Variants in MCUB observed in about 807,000 individuals in gnomAD.
MCUB encodes mitochondrial calcium uniporter dominant negative subunit beta.
MCUB carries 46 observed loss-of-function variants against 41.4 expected under a neutral mutation model. The observed-to-expected ratio is 1.11, with a 90% CI of 0.88 to 1.42. MCUB has a LOEUF of 1.42. Among genes scored for constraint, MCUB ranks in the 40% most tolerant of loss-of-function variants. The pLI is 0.00. For missense variants in MCUB, 403 were observed against 404.9 expected, an observed-to-expected ratio of 1.00 and a Z score of 0.04; for synonymous variants, 148 against 148.2, an observed-to-expected ratio of 1.00 and a Z score of 0.01.
Position 109,659,080 on chromosome 4 carries a change from C to T in MCUB, c.169C>T (p.Pro57Ser). ...ACACCATTATAGTACCGTGGTGCCA[C>T]CTGATGGTAAGCTTTCTTACCATTT... ...QSHHYSTVVP[P>S]DEITVIYRHG... The change falls in exon 2 of 8, where the codon CCT becomes TCT. Residue 57 changes from proline to serine, a missense_variant. Pro to Ser is a moderately conservative substitution (Grantham distance 74). Coordinates refer to ENST00000394650, the MANE Select transcript of MCUB (RefSeq NM_017918.5). 2 of 1,486,166 alleles carry T rather than the reference C, an allele frequency of 1.3e-6. No homozygotes were observed. The highest frequency in any genetic ancestry group is 1.8e-6 in the Non-Finnish European group (2 of 1,087,248). 92.1% of individuals were successfully genotyped at this position (1,486,166 alleles called of 1,614,324 possible). A position where few individuals can be genotyped will look rare whatever the true frequency, so the allele number is the denominator to read the frequency against.
intron 1 of MCUB, among the ~76,000 whole-genome samples, chr4:109,583,328 G>C (rs558040196): frequency 6.6e-6 from 1 of 152,102 alleles, no homozygotes; most frequent in African/African-American, 2.4e-5. Context: ...TGAAGCAATT[G>C]TGAATGGGAG....
intron 1 of MCUB, among the ~76,000 whole-genome samples, chr4:109,585,369 T>A (rs931014928): frequency 6.6e-6 from 1 of 152,222 alleles, no homozygotes; most frequent in African/African-American, 2.4e-5. Context: ...GTCTCCTGAA[T>A]ACAGCACACT....
chr4:109,593,660 G>A lies in MCUB; in HGVS notation c.99+33224G>A, dbSNP rs577827553. On this transcript the variant is annotated intron_variant, in intron 1 of 7. Transcript: ENST00000394650. The stretch of plus-strand genomic sequence containing the variant: ...AAGGAAAAGACTTACTTGAAAAGCA[G>A]CTCTATAATTAAGAAAACCTGATTA... 2.6e-5 allele frequency among the ~76,000 whole-genome samples: 4 copies of A among 152,324 alleles called. No individual in the cohort carries two copies. In the South Asian group the frequency reaches 8.3e-4, roughly 32 times the overall value.
chr4:109,621,857 T>A (rs1728257138), intron 1 of MCUB, among the ~76,000 whole-genome samples: 1 of 152,150 alleles, frequency 6.6e-6, no homozygotes, highest in African/African-American at 2.4e-5. Context: ...ATGAAACTTA[T>A]AATGTGGGGA....
intron 1 of MCUB, among the ~76,000 whole-genome samples, chr4:109,581,297 A>C (rs1241577551): frequency 1.3e-5 from 2 of 152,236 alleles, no homozygotes; most frequent in Admixed American, 1.3e-4. Context: ...TTCCCTATTT[A>C]ATAAATGGTG....
chr4:109,655,476 A>G (rs1729070574), intron 1 of MCUB, among the ~76,000 whole-genome samples: 1 of 152,174 alleles, frequency 6.6e-6, no homozygotes, highest in Non-Finnish European at 1.5e-5. Context: ...CTTTCTAGCA[A>G]CCAGCCCCAT....
chr4:109,575,800 C>A (rs73838819), intron 1 of MCUB, among the ~76,000 whole-genome samples: 5,943 of 152,228 alleles, frequency 0.039, 398 homozygotes, highest in African/African-American at 0.14. Context: ...TAGCAGTGAC[C>A]ATTAAAATTA....
At chr4:109,671,826 C>G (rs1049177729) in intron 4 of MCUB, among the ~76,000 whole-genome samples, 3 of 152,098 alleles carry the variant, frequency 2.0e-5, no homozygotes, top group African/African-American at 7.2e-5. Context: ...ATGTATCAGG[C>G]AATAGAAACT....
At chr4:109,579,964 T>C (rs1271779012) in intron 1 of MCUB, among the ~76,000 whole-genome samples, 1 of 152,206 alleles carries the variant, frequency 6.6e-6, no homozygotes, top group Non-Finnish European at 1.5e-5. Context: ...TCATGTGCCA[T>C]GTTGGTTTGC....
At position 109,592,276 on chromosome 4, in the gene MCUB, G is replaced by A. The variant is rs1393335289; in HGVS notation, c.99+31840G>A. 2.0e-5 allele frequency among the ~76,000 whole-genome samples: 3 copies of A among 151,806 alleles called. No homozygotes were observed. In the South Asian group the frequency reaches 6.3e-4, roughly 32 times the overall value. On this transcript the variant is annotated intron_variant, in intron 1 of 7. Transcript: ENST00000394650. ...AATACAAAAATTAGCCGGGTATGGT[G>A]GCGTGTACCTGCAATCCCAGCTACT...
intron 1 of MCUB, among the ~76,000 whole-genome samples, chr4:109,576,518 C>CTTT (rs34834019): frequency 7.6e-6 from 1 of 131,754 alleles, no homozygotes; most frequent in Admixed American, 7.7e-5. Context: ...TAACATTTGC[C>CTTT]TTTTTTTTTT....
At chr4:109,586,379 C>T (rs891932515) in intron 1 of MCUB, among the ~76,000 whole-genome samples, 1 of 152,116 alleles carries the variant, frequency 6.6e-6, no homozygotes, top group Admixed American at 6.6e-5. Context: ...TTTTTAGCTT[C>T]CTTGCGATGG....
At chr4:109,656,443 C>A (rs1044676624) in intron 1 of MCUB, among the ~76,000 whole-genome samples, 5 of 135,318 alleles carry the variant, frequency 3.7e-5, no homozygotes, top group African/African-American at 1.3e-4. Flanking sequence ...TAGCTACAAT[C>A]TCGGTTCACT....
rs115236016 is a variant in MCUB, at chr4:109,642,605, T to A, written c.100-16406T>A. On this transcript the variant is annotated intron_variant, in intron 1 of 7. Coordinates refer to ENST00000394650, the MANE Select transcript of MCUB (RefSeq NM_017918.5). ...TTCATTATGTATCAGTATTTTTTCT[T>A]CACCCCAGGTTAAAAAGTTGTTTCC... 4.6e-3 allele frequency among the ~76,000 whole-genome samples: 635 copies of A among 139,062 alleles called. 7 individuals carry two copies. Among genetic ancestry groups the A allele is most frequent in the African/African-American group, 0.017 (619 of 35,552 alleles). The allele number at this position is 139,062 out of a possible 152,430, so 91.2% of individuals were successfully genotyped here. A position where few individuals can be genotyped will look rare whatever the true frequency, so the allele number is the denominator to read the frequency against.
chr4:109,619,817 A>C (rs1018961497), intron 1 of MCUB, among the ~76,000 whole-genome samples: 1 of 152,172 alleles, frequency 6.6e-6, no homozygotes, highest in African/African-American at 2.4e-5. Flanking sequence ...AGTTATAGTA[A>C]AGTGATATTG....
At chr4:109,666,896 A>C (rs1221352393) in intron 4 of MCUB, among the ~76,000 whole-genome samples, 1 of 152,170 alleles carries the variant, frequency 6.6e-6, no homozygotes, top group Non-Finnish European at 1.5e-5. Flanking sequence ...GATTACATGA[A>C]TTCATATTCA....
intron 1 of MCUB, among the ~76,000 whole-genome samples, chr4:109,586,451 C>G (rs1727307615): frequency 6.6e-6 from 1 of 152,182 alleles, no homozygotes; most frequent in Non-Finnish European, 1.5e-5. Context: ...AAGCCTACTT[C>G]TGTCAGCTTC....
At chr4:109,665,302 T>C (rs138174860) in intron 4 of MCUB, among the ~76,000 whole-genome samples, 1 of 152,224 alleles carries the variant, frequency 6.6e-6, no homozygotes, top group South Asian at 2.1e-4. Context: ...AAAAGTGTCT[T>C]GGGTCTTTAT....
At chr4:109,612,423 T>C (rs1433396413) in intron 1 of MCUB, among the ~76,000 whole-genome samples, 4 of 152,014 alleles carry the variant, frequency 2.6e-5, no homozygotes, top group African/African-American at 9.7e-5. Flanking sequence ...CCTGCCATCA[T>C]GCCCGGCTAA....
Sources: gnomAD v4.1 joint callset for allele counts (sites outside exome capture counted in the v4.1 genomes callset) on GRCh38, gnomAD v4.1.1 for gene constraint, MANE v1.5 for transcripts, NCBI Gene and HGNC (gene_info 2026-07-23, HGNC 2026-07-21) for gene names.